The following NRL variants were observed in gnomAD, a reference collection of about 807,000 sequenced individuals.
NRL encodes neural retina-specific leucine zipper protein.
NRL carries 16 observed loss-of-function variants against 12.5 expected under a neutral mutation model. The observed-to-expected ratio is 1.28, with a 90% confidence interval of 0.87 to 1.95. The LOEUF (loss-of-function observed/expected upper bound fraction) is 1.95, where lower values mean the gene tolerates loss of function less well. Among genes scored for constraint, NRL ranks in the 30% most tolerant of loss-of-function variants. The probability of loss-of-function intolerance (pLI) is 0.00; values close to 1 mark genes in which losing one functional copy is unlikely to be tolerated. For missense variants in NRL, 314 were observed against 325.8 expected (o/e 0.96, Z 0.28); for synonymous variants, 142 against 150.9 (o/e 0.94, Z 0.43).
At chr14:24,104,764 C>T (rs1033220561) in intron 1 of NRL, among the ~76,000 whole-genome samples, 1 of 152,166 alleles carries the variant, frequency 6.6e-6, no homozygotes, top group African/African-American at 2.4e-5. Flanking sequence ...CTCTACAACT[C>T]CATTCTCCAG....
intron 1 of NRL, chr14:24,098,322 G>GC: frequency 6.2e-7 from 1 of 1,614,056 alleles, no homozygotes; most frequent in Non-Finnish European, 8.5e-7. Flanking sequence ...GGGCAGCTGG[G>GC]CAACTGGATG....
At chr14:24,096,432 T>C (rs1020670092) in intron 1 of NRL, among the ~76,000 whole-genome samples, 1 of 152,090 alleles carries the variant, frequency 6.6e-6, no homozygotes, top group East Asian at 1.9e-4. Context: ...AGATGGGGTT[T>C]CACCATGTTG....
chr14:24,095,185 C>T (rs1301116232), intron 1 of NRL: 1 of 456,112 alleles, frequency 2.2e-6, no homozygotes, highest in African/African-American at 2.0e-5. Context: ...TGTCGCACAG[C>T]CCGTTCCACT....
At chr14:24,096,048 A>G (rs1253157658) in intron 1 of NRL, among the ~76,000 whole-genome samples, 1 of 152,112 alleles carries the variant, frequency 6.6e-6, no homozygotes, top group East Asian at 1.9e-4. Flanking sequence ...TGGGGCTTTC[A>G]TAGTCTTACA....
chr14:24,100,639 G>A (rs2037126131), intron 1 of NRL: 1 of 972,824 alleles, frequency 1.0e-6, no homozygotes, highest in Non-Finnish European at 1.2e-6. Flanking sequence ...TGGGCTCCAA[G>A]CACTATCCAT....
chr14:24,103,581 C>A, intron 1 of NRL: 1 of 1,602,298 alleles, frequency 6.2e-7, no homozygotes, highest in South Asian at 1.1e-5. Flanking sequence ...CTACCTGGAA[C>A]ACTGGCTGAG....
intron 1 of NRL, chr14:24,102,888 A>G: frequency 1.9e-6 from 3 of 1,613,262 alleles, no homozygotes; most frequent in Non-Finnish European, 1.7e-6. Flanking sequence ...CGCAGACCCA[A>G]AGGTAAACAA....
intron 1 of NRL, among the ~76,000 whole-genome samples, chr14:24,092,475 GAGA>G (rs1273025995): frequency 1.3e-5 from 2 of 152,270 alleles, no homozygotes; most frequent in African/African-American, 4.8e-5. Flanking sequence ...CAGGATTATG[GAGA>G]AGATGATGAC....
chr14:24,110,562 A>T (rs2037404064), intron 1 of NRL: 1 of 159,402 alleles, frequency 6.3e-6, no homozygotes. Context: ...TATACCAGGA[A>T]TAGGTACCTT....
At position 24,094,992 on chromosome 14, in the gene NRL, G is replaced by C; in HGVS notation, c.-27-12117C>G. The C allele has an allele frequency of 1.8e-6, 1 of 567,888 alleles. No homozygotes were observed. Among genetic ancestry groups the C allele is most frequent in the Non-Finnish European group, 2.9e-6 (1 of 342,170 alleles). The allele number at this position is 567,888 out of a possible 1,614,324, so 35.2% of individuals were successfully genotyped here. A position where few individuals can be genotyped will look rare whatever the true frequency, so the allele number is the denominator to read the frequency against. ...GAGGGACCTGGGCCCAGGGGAGGGA[G>C]GCAAGCAAGGTGGGAGGAGGGCGCC... On this transcript the variant is annotated intron_variant, in intron 1 of 2. Transcript: ENST00000561028. This position sits in a 1 kb window ranked among gnomAD's most constrained non-coding sequence, Gnocchi z 4.1.
chr14:24,083,453 G>A (rs2036380529), intron 1 of NRL, among the ~76,000 whole-genome samples: 1 of 152,132 alleles, frequency 6.6e-6, no homozygotes, highest in Non-Finnish European at 1.5e-5. Flanking sequence ...CTTTTGTAGG[G>A]GCAAGAGGCT....
chr14:24,098,664 C>A, intron 1 of NRL: 2 of 1,613,726 alleles, frequency 1.2e-6, no homozygotes, highest in Non-Finnish European at 1.7e-6. Flanking sequence ...GTGGGCCAGC[C>A]CCTGACAGGA....
intron 1 of NRL, 104 bp downstream of exon 1, chr14:24,114,618 G>C (rs2037493424): frequency 1.1e-6 from 1 of 941,452 alleles, no homozygotes; most frequent in Non-Finnish European, 1.3e-6. Context: ...TCTGATTCAG[G>C]AAGCTGGCAG....
rs2037502740 is a variant in NRL at position 24,114,850 on chromosome 14, T to C, written c.-156A>G. On this transcript the variant is annotated 5_prime_UTR_variant, in exon 1 of 3. Coordinates refer to ENST00000561028, the MANE Select transcript of NRL (RefSeq NM_001354768.3). ...AGCGAAGCGCGTGACGGAGGAGCGGTTGGCCAACGCAGTGGCGGCAGTCGG... is the reference window on the plus strand; with the variant it reads ...AGCGAAGCGCGTGACGGAGGAGCGGCTGGCCAACGCAGTGGCGGCAGTCGG... The C allele has an allele frequency of 4.1e-6, 4 of 985,764 alleles. No homozygotes were observed. The highest frequency in any genetic ancestry group is 5.2e-4 in the Middle Eastern group (1 of 1,936). The allele number at this position is 985,764 out of a possible 1,614,324, so 61.1% of individuals were successfully genotyped here.
At chr14:24,103,475 A>C (rs747733179) in intron 1 of NRL, 1 of 1,518,908 alleles carries the variant, frequency 6.6e-7, no homozygotes, top group Admixed American at 2.1e-5. Context: ...CCCAGTGAGA[A>C]GGAAGATTCC....
At chr14:24,084,371 A>T (rs916833761) in intron 1 of NRL, 1 of 167,632 alleles carries the variant, frequency 6.0e-6, no homozygotes, top group East Asian at 1.9e-4. Flanking sequence ...CTGACGTGAT[A>T]GCAGTGAGGG....
chr14:24,111,504 G>T (rs1300076727), intron 1 of NRL, among the ~76,000 whole-genome samples: 2 of 151,770 alleles, frequency 1.3e-5, no homozygotes, highest in South Asian at 2.1e-4. Flanking sequence ...CTCTCGAGTG[G>T]CTGGGATTAC....
Position 24,081,488 on chromosome 14 carries a change from G to T in NRL, c.462C>A (p.Arg154=), listed in dbSNP as rs757518980. 1 of 1,595,958 alleles carries T rather than the reference G, an allele frequency of 6.3e-7. No individual in the cohort carries two copies. Among genetic ancestry groups the T allele is most frequent in the Non-Finnish European group, 8.5e-7 (1 of 1,173,782 alleles). ...ELNRQLRGCG[R]DEALRLKQRR... is the part of the protein sequence containing the mutation. The stretch of plus-strand genomic sequence containing the variant: ...TCTGCTTCAGCCGCAGCGCCTCGTC[G>T]CGCCCGCAGCCCCGCAGCTGCCGGT... Residue 154 remains arginine (R), a synonymous_variant, in exon 3 of 3, where the codon CGC becomes CGA. Transcript: ENST00000561028. The surrounding 1 kb of genome is among the most constrained non-coding windows in gnomAD (Gnocchi z 4.4).
intron 1 of NRL, among the ~76,000 whole-genome samples, chr14:24,108,680 C>G (rs546703625): frequency 2.0e-5 from 3 of 152,210 alleles, no homozygotes; most frequent in East Asian, 1.9e-4. Context: ...ACCCTACACA[C>G]AGAAAAATCT....
Sources: allele counts gnomAD v4.1 joint callset (sites outside exome capture counted in the v4.1 genomes callset), GRCh38; gene constraint gnomAD v4.1.1; non-coding constraint Gnocchi (gnomAD v3.1); transcripts MANE v1.5; gene names NCBI Gene and HGNC (gene_info 2026-07-23, HGNC 2026-07-21).